UBE2D2: variants seen among roughly 807,000 people sequenced by gnomAD.
UBE2D2 encodes the protein ubiquitin-conjugating enzyme E2 D2.
A neutral mutation model predicts 24.2 loss-of-function variants in UBE2D2; 2 were observed. The ratio of observed to expected loss-of-function variants is 0.08; its 90% CI spans 0.03 to 0.26. The LOEUF (loss-of-function observed/expected upper bound fraction) is 0.26. Ranked by LOEUF, UBE2D2 falls within the 10% of genes least tolerant of loss-of-function variation. The pLI is 1.00. For missense variants in UBE2D2, 44 were observed against 177.6 expected (o/e 0.25, Z 4.28); for synonymous variants, 58 against 56.5 (o/e 1.03, Z -0.12).
intron 1 of UBE2D2, among the ~76,000 whole-genome samples, chr5:139,548,578 C>A (rs1426298253): frequency 6.6e-6 from 1 of 152,254 alleles, no homozygotes; most frequent in South Asian, 2.1e-4. Context: ...TAGGAGCAGT[C>A]TTTTATAATC....
rs191755225 is a variant in UBE2D2, at chr5:139,531,211, C to T, written c.-64+4599C>T. ...GCCCGGCACCAGGCCTGAAAGCAGG[C>T]CTGGGCCTGCCTGGCCTAAACCCAG... On this transcript the variant is annotated intron_variant, in intron 1 of 6. Transcript: ENST00000511725. Among the ~76,000 whole-genome samples, 219 of 152,256 alleles carry T rather than the reference C, an allele frequency of 1.4e-3. 1 individual carries two copies. Among genetic ancestry groups the T allele is most frequent in the African/African-American group, 5.1e-3 (210 of 41,564 alleles).
chr5:139,529,712 A>G (rs750794867), intron 1 of UBE2D2, among the ~76,000 whole-genome samples: 1 of 152,164 alleles, frequency 6.6e-6, no homozygotes, highest in Middle Eastern at 3.2e-3. Context: ...TAATAAAAGG[A>G]GAGGTTCAAA....
Position 139,614,955 on chromosome 5 carries a change from C to T in UBE2D2, c.293C>T (p.Thr98Ile). 6.2e-7 allele frequency: 1 copy of T among 1,612,526 alleles called. No homozygotes were observed. The highest frequency in any genetic ancestry group is 8.5e-7 in the Non-Finnish European group (1 of 1,179,434). Residue 98 changes from threonine (T) to isoleucine (I), a missense_variant, in exon 5 of 7, where the codon ACT becomes ATT. Thr to Ile is a moderately conservative substitution (Grantham distance 89, BLOSUM62 -1). This residue lies in a region of UBE2D2 where 23 missense variants were observed against 141.9 expected (regional missense o/e 0.16). Coordinates refer to ENST00000398733, the MANE Select transcript of UBE2D2 (RefSeq NM_003339.3). Reference sequence around the variant, plus strand: ...CGATCACAGTGGTCTCCAGCACTAACTATTTCAAAAGGTAACAGTGGGTAT... The same window carrying T: ...CGATCACAGTGGTCTCCAGCACTAATTATTTCAAAAGGTAACAGTGGGTAT... The part of the protein sequence containing the change: ...ILRSQWSPAL[T>I]ISKVLLSICS...
intron 2 of UBE2D2, among the ~76,000 whole-genome samples, chr5:139,608,964 G>A (rs1754256706): frequency 6.6e-6 from 1 of 151,960 alleles, no homozygotes; most frequent in African/African-American, 2.4e-5. Context: ...GCACACACCT[G>A]TAATCCCAGC....
intron 2 of UBE2D2, among the ~76,000 whole-genome samples, chr5:139,604,762 C>T (rs1734622713): frequency 6.6e-6 from 1 of 152,004 alleles, no homozygotes; most frequent in Admixed American, 6.6e-5. Flanking sequence ...TGGCTGTAGT[C>T]CCACCTACTC....
At chr5:139,621,431 C>CA (rs1754512146) in intron 5 of UBE2D2, among the ~76,000 whole-genome samples, 1 of 152,198 alleles carries the variant, frequency 6.6e-6, no homozygotes, top group Non-Finnish European at 1.5e-5. Context: ...GTTGTATTCT[C>CA]TGTAATGAGT....
At chr5:139,535,290 CAAA>C (rs527336000) in intron 1 of UBE2D2, among the ~76,000 whole-genome samples, 1 of 76,508 alleles carries the variant, frequency 1.3e-5, no homozygotes. Flanking sequence ...ACTAAAAATA[CAAA>C]AAAAAAAAAA....
chr5:139,568,027 G>A (rs193298872), intron 1 of UBE2D2, among the ~76,000 whole-genome samples: 2 of 152,256 alleles, frequency 1.3e-5, no homozygotes, highest in Admixed American at 6.5e-5. Context: ...TAGTTGTAAC[G>A]CTGAACAGTA....
At chr5:139,528,573 A>T (rs1317501214) in intron 1 of UBE2D2, among the ~76,000 whole-genome samples, 2 of 152,238 alleles carry the variant, frequency 1.3e-5, no homozygotes, top group Non-Finnish European at 2.9e-5. Flanking sequence ...TAGCACAAGA[A>T]GCAAATAAGC....
At chr5:139,562,667 G>T (rs552826438) in intron 1 of UBE2D2, among the ~76,000 whole-genome samples, 1 of 152,206 alleles carries the variant, frequency 6.6e-6, no homozygotes, top group East Asian at 1.9e-4. Context: ...CTGGGAAGGG[G>T]TTTTACTAGA....
intron 2 of UBE2D2, among the ~76,000 whole-genome samples, chr5:139,611,799 A>G (rs556305647): frequency 6.6e-6 from 1 of 152,172 alleles, no homozygotes; most frequent in African/African-American, 2.4e-5. Context: ...CCTCAATTTT[A>G]TATTAGAAAT....
Position 139,610,535 on chromosome 5 carries a change from G to A in UBE2D2, c.89-4051G>A, listed in dbSNP as rs143624748. Reference sequence around the variant, plus strand: ...AGCCTGGGCAACAGAGCGAGACTCCGTCTCAAAAAAAAAATATATTTTTTT... The same window carrying A: ...AGCCTGGGCAACAGAGCGAGACTCCATCTCAAAAAAAAAATATATTTTTTT... On this transcript the variant is annotated intron_variant, in intron 2 of 6. Transcript: ENST00000398733. Among the ~76,000 whole-genome samples the A allele has an allele frequency of 7.9e-3, 1,176 of 149,240 alleles. 8 individuals are homozygous for A. Among genetic ancestry groups the A allele is most frequent in the Middle Eastern group, 0.045 (12 of 266 alleles).
intron 1 of UBE2D2, among the ~76,000 whole-genome samples, chr5:139,569,013 A>T (rs968470155): frequency 6.6e-6 from 1 of 152,154 alleles, no homozygotes; most frequent in Non-Finnish European, 1.5e-5. Flanking sequence ...GGTACCATAT[A>T]TTAGATTAAT....
At chr5:139,536,715 C>A (rs1752685697) in intron 1 of UBE2D2, among the ~76,000 whole-genome samples, 1 of 152,010 alleles carries the variant, frequency 6.6e-6, no homozygotes, top group Non-Finnish European at 1.5e-5. Context: ...GTCTCCAACT[C>A]CTGAACTCAT....
At chr5:139,555,882 C>A (rs1316349774) in intron 1 of UBE2D2, among the ~76,000 whole-genome samples, 1 of 126,356 alleles carries the variant, frequency 7.9e-6, no homozygotes, top group African/African-American at 3.1e-5. Context: ...GCTGAGATCA[C>A]GCCACTGCAC....
At chr5:139,531,423 T>C (rs928675046) in intron 1 of UBE2D2, among the ~76,000 whole-genome samples, 2 of 152,060 alleles carry the variant, frequency 1.3e-5, no homozygotes, top group African/African-American at 2.4e-5. Flanking sequence ...ATCTTTAGTG[T>C]TGTGAGCCCT....
intron 6 of UBE2D2, among the ~76,000 whole-genome samples, chr5:139,625,285 T>G (rs1276027035): frequency 1.5e-5 from 2 of 133,630 alleles, no homozygotes; most frequent in Non-Finnish European, 3.3e-5. Flanking sequence ...TGTTTTTTTT[T>G]TTTTTTTTTT....
chr5:139,609,648 G>A (rs1393151120), intron 2 of UBE2D2, among the ~76,000 whole-genome samples: 1 of 150,406 alleles, frequency 6.6e-6, no homozygotes, highest in East Asian at 1.9e-4. Flanking sequence ...TGGGATTACA[G>A]GTGTGAGCCA....
intron 2 of UBE2D2, among the ~76,000 whole-genome samples, chr5:139,602,020 G>T (rs560741974): frequency 6.6e-6 from 1 of 152,158 alleles, no homozygotes; most frequent in East Asian, 1.9e-4. Flanking sequence ...TGAGTACATG[G>T]TTAAATTAGC....
Sources: allele counts gnomAD v4.1 joint callset (sites outside exome capture counted in the v4.1 genomes callset), GRCh38; gene constraint gnomAD v4.1.1; regional missense constraint gnomAD v4.1.1; transcripts MANE v1.5; gene names NCBI Gene and HGNC (gene_info 2026-07-23, HGNC 2026-07-21).